The following KRAS variants were observed in gnomAD, a reference collection of about 807,000 sequenced individuals.
KRAS encodes the protein GTPase KRas.
KRAS carries 1 observed loss-of-function variant against 21.0 expected under a neutral mutation model. That is an observed-to-expected ratio of 0.05 (90% confidence interval 0.02 to 0.23). The LOEUF (loss-of-function observed/expected upper bound fraction) is 0.23. Ranked by LOEUF, KRAS falls within the 10% of genes least tolerant of loss-of-function variation. The pLI is 1.00. For missense variants in KRAS, 107 were observed against 221.8 expected, an observed-to-expected ratio of 0.48 and a Z score of 3.29; for synonymous variants, 67 against 72.5, an observed-to-expected ratio of 0.92 and a Z score of 0.39.
intron 4 of KRAS, among the ~76,000 whole-genome samples, chr12:25,210,468 A>T (rs915446108): frequency 6.6e-6 from 1 of 152,140 alleles, no homozygotes; most frequent in African/African-American, 2.4e-5. Context: ...ACAGTATCTA[A>T]ACATATTATT....
intron 4 of KRAS, among the ~76,000 whole-genome samples, chr12:25,217,223 T>C (rs1565881199): frequency 6.6e-6 from 1 of 152,198 alleles, no homozygotes; most frequent in Non-Finnish European, 1.5e-5. Flanking sequence ...AATTTTTGCA[T>C]GCAGAAGTCA....
At chr12:25,220,081 T>C (rs1484247323) in intron 4 of KRAS, among the ~76,000 whole-genome samples, 1 of 152,340 alleles carries the variant, frequency 6.6e-6, no homozygotes, top group East Asian at 1.9e-4. Flanking sequence ...CTGCTTCTGT[T>C]ATTCACCTTA....
chr12:25,215,988 G>T (rs1477731776), intron 4 of KRAS, among the ~76,000 whole-genome samples: 1 of 152,152 alleles, frequency 6.6e-6, no homozygotes, highest in African/African-American at 2.4e-5. Flanking sequence ...AGGGGAGAAT[G>T]AGAAGAAAAA....
At chr12:25,239,486 C>T (rs1196813290) in intron 2 of KRAS, among the ~76,000 whole-genome samples, 1 of 152,132 alleles carries the variant, frequency 6.6e-6, no homozygotes, top group Non-Finnish European at 1.5e-5. Flanking sequence ...AGTTAAATCA[C>T]TCAATCTATG....
chr12:25,242,831 T>C (rs1232003213), intron 2 of KRAS, among the ~76,000 whole-genome samples: 1 of 152,184 alleles, frequency 6.6e-6, no homozygotes, highest in Non-Finnish European at 1.5e-5. Flanking sequence ...TCAGAGAATT[T>C]AAATTGAAAT....
At chr12:25,245,111 A>G (rs2135805403) in intron 2 of KRAS, among the ~76,000 whole-genome samples, 163 bp downstream of exon 2, 1 of 152,346 alleles carries the variant, frequency 6.6e-6, no homozygotes, top group African/African-American at 2.4e-5. Context: ...AAGTTCCCAT[A>G]TTAATGGTTA....
chr12:25,241,311 G>GA (rs1176334667), intron 2 of KRAS, among the ~76,000 whole-genome samples: 1 of 152,032 alleles, frequency 6.6e-6, no homozygotes, highest in Non-Finnish European at 1.5e-5. Context: ...TTTAAACAGC[G>GA]AAACTACACA....
chr12:25,245,597 A>G (rs1211124155), intron 1 of KRAS, among the ~76,000 whole-genome samples: 1 of 152,230 alleles, frequency 6.6e-6, no homozygotes, highest in African/African-American at 2.4e-5. Context: ...CTTCATTTAC[A>G]AACTCCTCCA....
chr12:25,214,053 AGTT>A (rs1425041835), intron 4 of KRAS, among the ~76,000 whole-genome samples: 1 of 152,224 alleles, frequency 6.6e-6, no homozygotes, highest in Non-Finnish European at 1.5e-5. Flanking sequence ...AGCATATAAT[AGTT>A]AAGAATAGTA....
chr12:25,222,672 TCAAAAAAACAAATCAAA>T (rs1951342305), intron 4 of KRAS, among the ~76,000 whole-genome samples: 1 of 151,890 alleles, frequency 6.6e-6, no homozygotes, highest in Admixed American at 6.6e-5. Context: ...TTATATACCT[TCAAAAAAACAAATCAAA>T]CAAAAAAACC....
chr12:25,234,529 T>C (rs972069779), intron 2 of KRAS: 14 of 184,784 alleles, frequency 7.6e-5, no homozygotes, highest in Non-Finnish European at 1.5e-4. Context: ...ACCAATTTCT[T>C]TGAGGAGTAA....
In KRAS at chr12:25,207,645, C is replaced by T. The variant is rs1411385741; in HGVS notation, c.*2150G>A. The T allele has an allele frequency of 1.3e-5, 3 of 231,712 alleles. No homozygotes were observed. Among genetic ancestry groups the T allele is most frequent in the African/African-American group, 4.4e-5 (2 of 45,242 alleles). The allele number at this position is 231,712 out of a possible 1,614,324, so 14.4% of individuals were successfully genotyped here. On this transcript the variant is annotated 3_prime_UTR_variant, in exon 5 of 5. Coordinates refer to ENST00000311936, the MANE Select transcript of KRAS (RefSeq NM_004985.5). ...TTATAGATTACCTAAGGAATTCTTT[C>T]AGCACTATCTTTATTAAATTCTCCT... is the stretch of plus-strand genomic sequence containing the variant.
chr12:25,238,523 G>T (rs965151502), intron 2 of KRAS, among the ~76,000 whole-genome samples: 1 of 151,954 alleles, frequency 6.6e-6, no homozygotes, highest in African/African-American at 2.4e-5. Flanking sequence ...ATAATCTAAC[G>T]GTATCTGAAA....
intron 4 of KRAS, among the ~76,000 whole-genome samples, chr12:25,216,976 G>A (rs1046244882): frequency 1.3e-5 from 2 of 152,078 alleles, no homozygotes; most frequent in African/African-American, 4.8e-5. Flanking sequence ...AATTTTAAGG[G>A]AATTCTATTC....
At chr12:25,210,401 T>G (rs937466572) in intron 4 of KRAS, among the ~76,000 whole-genome samples, 6 of 152,104 alleles carry the variant, frequency 3.9e-5, no homozygotes, top group African/African-American at 1.4e-4. Flanking sequence ...ATTTAAAAAT[T>G]TACCAAGAAG....
intron 2 of KRAS, among the ~76,000 whole-genome samples, chr12:25,232,267 A>C (rs1168468527): frequency 2.6e-5 from 4 of 152,184 alleles, no homozygotes; most frequent in Non-Finnish European, 5.9e-5. Context: ...CTGTTTTTGT[A>C]TTGCCCATTA....
At chr12:25,222,158 AAAC>A (rs1241029736) in intron 4 of KRAS, among the ~76,000 whole-genome samples, 2 of 149,858 alleles carry the variant, frequency 1.3e-5, no homozygotes, top group African/African-American at 4.9e-5. Flanking sequence ...CAAAAAAAAA[AAAC>A]AAGAAAGAAA....
intron 2 of KRAS, among the ~76,000 whole-genome samples, chr12:25,227,938 G>A (rs1368042914): frequency 2.0e-5 from 3 of 152,080 alleles, no homozygotes; most frequent in African/African-American, 4.8e-5. Context: ...CCAAAATGTG[G>A]AAATAACTTA....
Position 25,243,796 on chromosome 12 carries a change from G to A in KRAS, c.111+1478C>T, listed in dbSNP as rs148010005. Among the ~76,000 whole-genome samples, 529 of 152,272 alleles carry A rather than the reference G, an allele frequency of 3.5e-3. 2 individuals carry two copies. The highest frequency in any genetic ancestry group is 6.2e-3 in the Admixed American group (94 of 15,282). Reference sequence around the variant, plus strand: ...CTGAATTTGCAATACAGATTAAAATGGGTGCACTATTCAAACCTCTTCAAA... The same window carrying A: ...CTGAATTTGCAATACAGATTAAAATAGGTGCACTATTCAAACCTCTTCAAA... On this transcript the variant is annotated intron_variant, in intron 2 of 4. Coordinates refer to ENST00000311936, the MANE Select transcript of KRAS (RefSeq NM_004985.5).
Sources: gnomAD v4.1 joint callset for allele counts (sites outside exome capture counted in the v4.1 genomes callset) on GRCh38, gnomAD v4.1.1 for gene constraint, MANE v1.5 for transcripts, NCBI Gene and HGNC (gene_info 2026-07-23, HGNC 2026-07-21) for gene names.